The following RSPRY1 variants were observed in gnomAD, a reference collection of about 807,000 sequenced individuals.
RSPRY1 encodes RING finger and SPRY domain-containing protein 1.
Under a neutral mutation model 73.1 loss-of-function variants are expected in RSPRY1, and 23 were observed. The observed-to-expected ratio is 0.31, with a 90% CI of 0.23 to 0.45. The LOEUF (loss-of-function observed/expected upper bound fraction) is 0.45, where lower values mean the gene tolerates loss of function less well. Among genes scored for constraint, RSPRY1 ranks in the 20% least tolerant of loss-of-function variants. RSPRY1 has a pLI of 1.00. For synonymous variants in RSPRY1, 226 were observed against 251.4 expected, an observed-to-expected ratio of 0.90 and a Z score of 0.95; for missense variants, 448 against 698.7, an observed-to-expected ratio of 0.64 and a Z score of 4.05.
chr16:57,225,876 C>T (rs1008411817), intron 10 of RSPRY1, among the ~76,000 whole-genome samples: 1 of 152,102 alleles, frequency 6.6e-6, no homozygotes, highest in Non-Finnish European at 1.5e-5. Flanking sequence ...GTCTAGAGTT[C>T]GAGACCAGCC....
intron 8 of RSPRY1, among the ~76,000 whole-genome samples, chr16:57,218,531 A>G (rs1165659132): frequency 6.6e-6 from 1 of 151,250 alleles, no homozygotes; most frequent in African/African-American, 2.4e-5. Context: ...TCTATTTTCT[A>G]TCTTCATGAG....
At chr16:57,204,013 T>C (rs187355674) in intron 1 of RSPRY1, among the ~76,000 whole-genome samples, 122 of 152,270 alleles carry the variant, frequency 8.0e-4, no homozygotes, top group Non-Finnish European at 1.5e-3. Context: ...TATCATAACT[T>C]TTTTTTAACA....
intron 1 of RSPRY1, among the ~76,000 whole-genome samples, chr16:57,193,539 C>A (rs183575595): frequency 2.0e-4 from 30 of 150,040 alleles, no homozygotes; most frequent in African/African-American, 7.4e-4. Context: ...GTCACCCAGG[C>A]TTGAGGGTAG....
intron 1 of RSPRY1, among the ~76,000 whole-genome samples, chr16:57,196,383 T>G (rs752876271): frequency 2.0e-5 from 3 of 152,204 alleles, no homozygotes; most frequent in Non-Finnish European, 4.4e-5. Flanking sequence ...GTATTTCAGT[T>G]TGCCCCCTAG....
At chr16:57,217,429 C>G (rs541420919) in intron 8 of RSPRY1, among the ~76,000 whole-genome samples, 1 of 152,246 alleles carries the variant, frequency 6.6e-6, no homozygotes. Flanking sequence ...CCTTTCCCAA[C>G]TTTGCTCTTC....
chr16:57,210,441 G>A (rs1403671835), intron 4 of RSPRY1, among the ~76,000 whole-genome samples: 8 of 152,076 alleles, frequency 5.3e-5, no homozygotes, highest in African/African-American at 1.7e-4. Context: ...GGTGGTTCAC[G>A]CCTGTAATCC....
intron 4 of RSPRY1, 43 bp from the exon 5 acceptor site, chr16:57,212,929 G>T: frequency 6.3e-7 from 1 of 1,594,254 alleles, no homozygotes; most frequent in South Asian, 1.1e-5. Context: ...AAAACAACCT[G>T]TGTAGTATAT....
intron 13 of RSPRY1, among the ~76,000 whole-genome samples, chr16:57,232,783 C>T (rs1171073141): frequency 3.9e-5 from 6 of 152,136 alleles, no homozygotes; most frequent in African/African-American, 1.4e-4. Flanking sequence ...CTCTTGGTAA[C>T]CATGTATATA....
upstream of RSPRY1, chr16:57,186,197 G>T: frequency 5.1e-6 from 5 of 984,718 alleles, no homozygotes; most frequent in Non-Finnish European, 6.0e-6. Flanking sequence ...CCTGGAGGGC[G>T]GGCCGGTCCC....
In RSPRY1 at chr16:57,221,370, C is replaced by A; in HGVS notation, c.1116C>A (p.Val372=). Residue 372 remains valine (V), a synonymous_variant, in exon 10 of 15, where the codon GTC becomes GTA. Transcript: ENST00000394420. ...AAGTAACAGTGGTCACTTCTGGCGTCATGCAGATTGGCTGGGCCACTCGAG... is the reference window on the plus strand; with the variant it reads ...AAGTAACAGTGGTCACTTCTGGCGTAATGCAGATTGGCTGGGCCACTCGAG... ...YYEVTVVTSG[V]MQIGWATRDS... 6.2e-7 allele frequency: 1 copy of A among 1,613,996 alleles called. No individual in the cohort carries two copies. Among genetic ancestry groups the A allele is most frequent in the South Asian group, 1.1e-5 (1 of 91,054 alleles).
At chr16:57,195,603 G>C (rs1442455388) in intron 1 of RSPRY1, among the ~76,000 whole-genome samples, 1 of 150,792 alleles carries the variant, frequency 6.6e-6, no homozygotes, top group Admixed American at 6.6e-5. Context: ...GGCATCCAGT[G>C]ATAAAAATTA....
chr16:57,222,421 T>TAAATA, intron 10 of RSPRY1, among the ~76,000 whole-genome samples: 1 of 152,328 alleles, frequency 6.6e-6, no homozygotes, highest in Admixed American at 6.5e-5. Flanking sequence ...AAGGCCTATT[T>TAAATA]CAGCAAGGCT....
intron 8 of RSPRY1, among the ~76,000 whole-genome samples, chr16:57,218,002 G>T (rs2074968213): frequency 6.6e-6 from 1 of 152,192 alleles, no homozygotes; most frequent in East Asian, 1.9e-4. Context: ...GCATTTGTTT[G>T]ATTGATCTTC....
intron 11 of RSPRY1, 93 bp downstream of exon 11, chr16:57,227,546 G>A (rs2075138571): frequency 3.5e-6 from 3 of 858,104 alleles, no homozygotes; most frequent in Non-Finnish European, 5.8e-6. Flanking sequence ...AATGTCTTAG[G>A]AGAAGATCAA....
chr16:57,210,524 G>T (rs2074820303), intron 4 of RSPRY1, among the ~76,000 whole-genome samples: 1 of 151,798 alleles, frequency 6.6e-6, no homozygotes, highest in South Asian at 2.1e-4. Flanking sequence ...ACAGCATGGT[G>T]AAACCCCGTC....
At chr16:57,197,157 T>C (rs1273261499) in intron 1 of RSPRY1, among the ~76,000 whole-genome samples, 2 of 152,158 alleles carry the variant, frequency 1.3e-5, no homozygotes, top group African/African-American at 2.4e-5. Context: ...AACAAAAAAT[T>C]GTCTAAAGTG....
chr16:57,186,801 C>CG lies in RSPRY1; in HGVS notation c.-156+350_-156+351insG, dbSNP rs2074205096. 3 of 152,528 alleles carry CG rather than the reference C, an allele frequency of 2.0e-5. 1 individual carries two copies. In the South Asian group the frequency reaches 6.2e-4, roughly 32 times the overall value. 9.4% of individuals were successfully genotyped at this position (152,528 alleles called of 1,614,324 possible). ...CAGGGCCCAGGTGAGAGGCAGCTATCTATCTCCTGGGGTGGCTCCTGGTAC... is the reference window on the plus strand; with the variant it reads ...CAGGGCCCAGGTGAGAGGCAGCTATCGTATCTCCTGGGGTGGCTCCTGGTAC... On this transcript the variant is annotated intron_variant, in intron 1 of 14. Transcript: ENST00000394420.
chr16:57,186,977 G>A (rs12596783), intron 1 of RSPRY1: 145,181 of 152,124 alleles, frequency 0.95, 69,308 homozygotes, highest in Middle Eastern at 0.99. Context: ...TTGGGATAGA[G>A]AGAGAATGGG....
At chr16:57,236,703 C>A (rs1597939877) in intron 14 of RSPRY1, among the ~76,000 whole-genome samples, 1 of 152,110 alleles carries the variant, frequency 6.6e-6, no homozygotes, top group East Asian at 1.9e-4. Context: ...GTAGGAAAAC[C>A]ACAATGTTAT....
Sources: allele counts gnomAD v4.1 joint callset (sites outside exome capture counted in the v4.1 genomes callset), GRCh38; gene constraint gnomAD v4.1.1; transcripts MANE v1.5; gene names NCBI Gene and HGNC (gene_info 2026-07-23, HGNC 2026-07-21).